Variants in DTD1 observed in about 807,000 individuals in gnomAD.
The protein encoded by DTD1 is D-tyrosyl-tRNA deacylase 1 homolog.
Under a neutral mutation model 25.6 loss-of-function variants are expected in DTD1, and 13 were observed. The observed-to-expected ratio is 0.51, with a 90% CI of 0.33 to 0.81. DTD1 has a LOEUF of 0.81. DTD1 is among the 30% of genes least tolerant of loss of function. The probability of loss-of-function intolerance (pLI) is 0.02; values close to 1 mark genes in which losing one functional copy is unlikely to be tolerated. For missense variants in DTD1, 193 were observed against 266.4 expected (o/e 0.72, Z 1.92); for synonymous variants, 110 against 103.6 (o/e 1.06, Z -0.37).
chr20:18,642,661 T>C (rs1482949222), intron 4 of DTD1: 1 of 152,228 alleles, frequency 6.6e-6, no homozygotes, highest in East Asian at 1.9e-4. Flanking sequence ...GGACCCAAGT[T>C]GATAATACTA....
intron 2 of DTD1, 45 bp from the exon 3 acceptor site, chr20:18,595,961 G>T: frequency 1.3e-6 from 2 of 1,553,698 alleles, no homozygotes; most frequent in Admixed American, 1.7e-5. Context: ...GTGTTGGGGG[G>T]CTTGTGATCT....
In DTD1 at chr20:18,596,028, C is replaced by T. The variant is rs745796443; in HGVS notation, c.157C>T (p.Arg53Cys). 3.1e-6 allele frequency: 5 copies of T among 1,613,934 alleles called. No homozygotes were observed. Among genetic ancestry groups the T allele is most frequent in the African/African-American group, 1.3e-5 (1 of 74,868 alleles). Residue 53 changes from arginine to cysteine, a missense_variant, in exon 3 of 6, where the codon CGT (arginine) becomes TGT (cysteine). Transcript: ENST00000377452. ...EHMVRKILNL[R>C]VFEDESGKHW... ...TAGGGTCCGAAAGATTCTAAACCTG[C>T]GTGTATTTGAGGATGAGAGTGGGAA...
At chr20:18,753,223 T>G (rs964986981) in intron 5 of DTD1, among the ~76,000 whole-genome samples, 1 of 152,218 alleles carries the variant, frequency 6.6e-6, no homozygotes, top group East Asian at 1.9e-4. Flanking sequence ...GCTGCTATTC[T>G]ATCATTGCAG....
At chr20:18,700,565 A>G (rs1343204328) in intron 4 of DTD1, among the ~76,000 whole-genome samples, 1 of 148,068 alleles carries the variant, frequency 6.8e-6, no homozygotes, top group Non-Finnish European at 1.5e-5. Context: ...TTTTTTTGTT[A>G]TGTGGATGAA....
intron 4 of DTD1, among the ~76,000 whole-genome samples, chr20:18,717,736 G>C (rs1321890486): frequency 6.6e-6 from 1 of 152,158 alleles, no homozygotes; most frequent in African/African-American, 2.4e-5. Context: ...TTGATTGCAA[G>C]AGTTCTTGTT....
At chr20:18,612,013 C>G (rs2060688482) in intron 3 of DTD1, among the ~76,000 whole-genome samples, 1 of 149,576 alleles carries the variant, frequency 6.7e-6, no homozygotes, top group Admixed American at 6.8e-5. Flanking sequence ...CACGACCGTG[C>G]CCGGCTAATT....
chr20:18,606,778 TG>T (rs375901485), intron 3 of DTD1, among the ~76,000 whole-genome samples: 62,963 of 92,542 alleles, frequency 0.68, 21,309 homozygotes, highest in South Asian at 0.76. Flanking sequence ...GGGACTGTGG[TG>T]GGGGGGGGGA....
intron 4 of DTD1, among the ~76,000 whole-genome samples, chr20:18,701,291 T>C (rs892041959): frequency 6.6e-6 from 1 of 152,068 alleles, no homozygotes; most frequent in African/African-American, 2.4e-5. Flanking sequence ...ACGGACTTGG[T>C]TTAATGAACT....
rs150097070 is a variant in DTD1, at chr20:18,680,023, A to G, written c.477+51790A>G. On this transcript the variant is annotated intron_variant, in intron 4 of 5. Transcript: ENST00000377452. ...TCATTGCTCAGGAATTAAACTTTGGACACCTTCCTTAGGTGTTGTAGAGAC... is the reference window on the plus strand; with the variant it reads ...TCATTGCTCAGGAATTAAACTTTGGGCACCTTCCTTAGGTGTTGTAGAGAC... Among the ~76,000 whole-genome samples, 1,255 of 152,252 alleles carry G rather than the reference A, an allele frequency of 8.2e-3. 16 individuals carry two copies. The highest frequency in any genetic ancestry group is 0.012 in the Non-Finnish European group (814 of 68,008).
chr20:18,718,257 G>A (rs2208205), intron 4 of DTD1, among the ~76,000 whole-genome samples: 126,159 of 152,204 alleles, frequency 0.83, 53,406 homozygotes, highest in Non-Finnish European at 0.93. Context: ...AGTTAAGTTA[G>A]TTGGAGGATT....
rs192607846 is a variant in DTD1 at position 18,600,175 on chromosome 20, A to G, written c.370+3934A>G. ...CCTTTGGTATTATATCTAAAAAGTC[A>G]TCATCCTACCCAACATAATCTAGAT... On this transcript the variant is annotated intron_variant, in intron 3 of 5. Transcript: ENST00000377452. 2.6e-3 allele frequency among the ~76,000 whole-genome samples: 403 copies of G among 152,336 alleles called. 2 individuals are homozygous for G. The highest frequency in any genetic ancestry group is 4.4e-3 in the Non-Finnish European group (298 of 68,028).
chr20:18,710,723 T>G (rs1245406248), intron 4 of DTD1, among the ~76,000 whole-genome samples: 1 of 152,226 alleles, frequency 6.6e-6, no homozygotes, highest in Non-Finnish European at 1.5e-5. Flanking sequence ...TCAACAGCCC[T>G]TAAATGCAGG....
intron 3 of DTD1, among the ~76,000 whole-genome samples, chr20:18,598,154 C>G (rs891012452): frequency 6.6e-6 from 1 of 152,104 alleles, no homozygotes; most frequent in African/African-American, 2.4e-5. Context: ...CCTAGCCCCC[C>G]ACCCCTCAAC....
At chr20:18,672,629 G>C (rs903437410) in intron 4 of DTD1, among the ~76,000 whole-genome samples, 1 of 152,082 alleles carries the variant, frequency 6.6e-6, no homozygotes, top group Non-Finnish European at 1.5e-5. Context: ...AATTCTCTAA[G>C]AATGAAAGGA....
chr20:18,634,442 G>A (rs893854985), intron 4 of DTD1, among the ~76,000 whole-genome samples: 4 of 152,190 alleles, frequency 2.6e-5, no homozygotes, highest in African/African-American at 9.7e-5. Flanking sequence ...AAATTGAAAT[G>A]CTGGAAGGAG....
intron 1 of DTD1, 57 bp from the exon 2 acceptor site, chr20:18,593,674 G>C: frequency 7.7e-7 from 1 of 1,305,322 alleles, no homozygotes; most frequent in Non-Finnish European, 1.1e-6. Flanking sequence ...TTACTTAAAA[G>C]TGCTTTATGA....
At chr20:18,629,295 C>A (rs1263368834) in intron 4 of DTD1, among the ~76,000 whole-genome samples, 1 of 69,870 alleles carries the variant, frequency 1.4e-5, no homozygotes, top group Non-Finnish European at 3.1e-5. Flanking sequence ...CTGTGCTCGG[C>A]CTTTTTTTTT....
chr20:18,622,089 T>G (rs998428193), intron 3 of DTD1, among the ~76,000 whole-genome samples: 2 of 152,144 alleles, frequency 1.3e-5, no homozygotes, highest in African/African-American at 4.8e-5. Context: ...TATTTTGCTT[T>G]AAGTTCTGGG....
intron 4 of DTD1, among the ~76,000 whole-genome samples, chr20:18,660,213 A>G (rs1301533639): frequency 2.0e-5 from 3 of 152,206 alleles, no homozygotes; most frequent in East Asian, 1.9e-4. Flanking sequence ...TCTCAAAAAA[A>G]AAGTATTTTT....
Sources: allele counts gnomAD v4.1 joint callset (sites outside exome capture counted in the v4.1 genomes callset), GRCh38; gene constraint gnomAD v4.1.1; transcripts MANE v1.5; gene names NCBI Gene and HGNC (gene_info 2026-07-23, HGNC 2026-07-21).